FSIP1: variants seen among roughly 807,000 people sequenced by gnomAD.
FSIP1 encodes fibrous sheath interacting protein 1.
Under a neutral mutation model 60.9 loss-of-function variants are expected in FSIP1, and 65 were observed. The ratio of observed to expected loss-of-function variants is 1.07; its 90% confidence interval spans 0.87 to 1.31. The LOEUF is 1.31. Ranked by LOEUF, FSIP1 falls within the 40% of genes most tolerant of loss-of-function variation. The pLI, the probability that FSIP1 is intolerant of heterozygous loss-of-function variation, is 0.00. For missense variants in FSIP1, 675 were observed against 665.5 expected (o/e 1.01, Z -0.16); for synonymous variants, 209 against 221.2 (o/e 0.94, Z 0.49).
chr15:39,754,107 A>G (rs1897239328), intron 5 of FSIP1, among the ~76,000 whole-genome samples: 1 of 152,110 alleles, frequency 6.6e-6, no homozygotes, highest in Non-Finnish European at 1.5e-5. Context: ...TAAGTGCTCT[A>G]GAAGTCAGCT....
Position 39,745,320 on chromosome 15 carries a change from T to C in FSIP1, c.560-3420A>G, listed in dbSNP as rs773052082. On this transcript the variant is annotated intron_variant, in intron 5 of 11. Coordinates refer to ENST00000350221, the MANE Select transcript of FSIP1 (RefSeq NM_152597.5). Reference sequence around the variant, plus strand: ...AACTGCGACTTTAAGCAAAATGACATATAAGGAAACCAATTTTACCATAGT... The same window carrying C: ...AACTGCGACTTTAAGCAAAATGACACATAAGGAAACCAATTTTACCATAGT... 2.0e-4 allele frequency among the ~76,000 whole-genome samples: 30 copies of C among 152,136 alleles called. 1 individual carries two copies. Among genetic ancestry groups the C allele is most frequent in the Admixed American group, 5.9e-4 (9 of 15,270 alleles).
At position 39,617,796 on chromosome 15, in the gene FSIP1, A is replaced by T; in HGVS notation, c.1638T>A (p.Ser546Arg). 6.2e-7 allele frequency: 1 copy of T among 1,614,124 alleles called. No individual in the cohort carries two copies. Among genetic ancestry groups the T allele is most frequent in the Non-Finnish European group, 8.5e-7 (1 of 1,179,970 alleles). Residue 546 changes from serine (S) to arginine (R), a missense_variant, in exon 11 of 12, where the codon AGT becomes AGA. Physicochemically the swap from Ser to Arg is moderately radical, Grantham distance 110. Coordinates refer to ENST00000350221, the MANE Select transcript of FSIP1 (RefSeq NM_152597.5). ...GTTGGTCTTCTGATGAAAGGCTCAC[A>T]CTGATACCATACAGTGGATCATCTA... ...SFLDDPLYGI[S>R]VSLSSEDQHL...
At chr15:39,779,924 T>C (rs1412423052) in intron 1 of FSIP1, among the ~76,000 whole-genome samples, 2 of 152,236 alleles carry the variant, frequency 1.3e-5, no homozygotes, top group Non-Finnish European at 2.9e-5. Context: ...AAAGTGGGAC[T>C]GATTTAGTTT....
intron 10 of FSIP1, among the ~76,000 whole-genome samples, chr15:39,645,182 A>C (rs545144766): frequency 5.3e-5 from 8 of 152,364 alleles, no homozygotes; most frequent in African/African-American, 1.9e-4. Flanking sequence ...CTACATTCTT[A>C]GTGGAAATGT....
chr15:39,761,342 T>TATC (rs1384937710), intron 5 of FSIP1, among the ~76,000 whole-genome samples: 1 of 152,188 alleles, frequency 6.6e-6, no homozygotes, highest in African/African-American at 2.4e-5. Flanking sequence ...AACAGATGAA[T>TATC]GGATAAAGAA....
At chr15:39,765,237 C>A (rs1047482400) in intron 4 of FSIP1, among the ~76,000 whole-genome samples, 2 of 119,304 alleles carry the variant, frequency 1.7e-5, no homozygotes, top group South Asian at 2.6e-4. Flanking sequence ...AGAGGAAATT[C>A]TTTCTTTTTT....
intron 10 of FSIP1, among the ~76,000 whole-genome samples, chr15:39,637,617 C>T (rs367710010): frequency 6.6e-6 from 1 of 152,108 alleles, no homozygotes; most frequent in East Asian, 1.9e-4. Context: ...CCATTAGTAC[C>T]GAGTGGGTAT....
At chr15:39,609,215 C>T (rs927815923) in intron 11 of FSIP1, among the ~76,000 whole-genome samples, 1 of 152,200 alleles carries the variant, frequency 6.6e-6, no homozygotes, top group Non-Finnish European at 1.5e-5. Flanking sequence ...CCAATGGAGG[C>T]ACTCCACCAG....
At chr15:39,779,229 G>A (rs1272907514) in intron 1 of FSIP1, among the ~76,000 whole-genome samples, 1 of 151,404 alleles carries the variant, frequency 6.6e-6, no homozygotes, top group Non-Finnish European at 1.5e-5. Context: ...AAAAAATAGA[G>A]AAAGACATAC....
chr15:39,619,538 A>T (rs1354257033), intron 10 of FSIP1, among the ~76,000 whole-genome samples: 1 of 152,196 alleles, frequency 6.6e-6, no homozygotes, highest in Non-Finnish European at 1.5e-5. Flanking sequence ...TATATATGGC[A>T]AGAAATAGGA....
At chr15:39,683,814 C>T (rs1894258763) in intron 10 of FSIP1, among the ~76,000 whole-genome samples, 1 of 152,128 alleles carries the variant, frequency 6.6e-6, no homozygotes, top group Admixed American at 6.5e-5. Context: ...AAAAAACACA[C>T]ATATTAGAAA....
intron 5 of FSIP1, among the ~76,000 whole-genome samples, chr15:39,742,466 T>C (rs911231095): frequency 6.6e-6 from 1 of 152,248 alleles, no homozygotes; most frequent in African/African-American, 2.4e-5. Context: ...TCAGTGTAGT[T>C]TATTTTTATG....
In FSIP1 at chr15:39,764,027, G is replaced by A. The variant is rs1897594570; in HGVS notation, c.466-113C>T. ...ACATACGTACAAACGAGAAGTCTCA[G>A]GCTATTTTTTTTTTTGAGGAAATCT... On this transcript the variant is annotated intron_variant, in intron 4 of 11. Coordinates refer to ENST00000350221, the MANE Select transcript of FSIP1 (RefSeq NM_152597.5). 8.2e-6 allele frequency: 5 copies of A among 610,308 alleles called. No individual in the cohort carries two copies. The South Asian group carries it at 8.4e-5, about 10-fold the overall frequency. 37.8% of individuals were successfully genotyped at this position (610,308 alleles called of 1,614,324 possible). A position where few individuals can be genotyped will look rare whatever the true frequency, so the allele number is the denominator to read the frequency against.
intron 5 of FSIP1, among the ~76,000 whole-genome samples, chr15:39,762,796 G>A (rs1897547155): frequency 6.6e-6 from 1 of 152,122 alleles, no homozygotes; most frequent in Non-Finnish European, 1.5e-5. Flanking sequence ...GACTGAAATG[G>A]GAGGGAAACA....
At chr15:39,706,494 T>C (rs1895275629) in intron 10 of FSIP1, among the ~76,000 whole-genome samples, 1 of 152,224 alleles carries the variant, frequency 6.6e-6, no homozygotes, top group Non-Finnish European at 1.5e-5. Context: ...CACTCTATTT[T>C]TCTAAATATA....
intron 6 of FSIP1, among the ~76,000 whole-genome samples, chr15:39,740,352 G>A (rs1163830435): frequency 6.6e-6 from 1 of 152,178 alleles, no homozygotes; most frequent in African/African-American, 2.4e-5. Context: ...CCTTTTGGAA[G>A]AGGCTTGAGT....
chr15:39,654,545 A>T (rs1892998718), intron 10 of FSIP1, among the ~76,000 whole-genome samples: 1 of 152,242 alleles, frequency 6.6e-6, no homozygotes, highest in African/African-American at 2.4e-5. Context: ...TTATAGAAAA[A>T]CTGCTAGAGC....
At chr15:39,779,211 C>T (rs906362457) in intron 1 of FSIP1, among the ~76,000 whole-genome samples, 2 of 151,820 alleles carry the variant, frequency 1.3e-5, no homozygotes, top group African/African-American at 2.4e-5. Context: ...CAGAAATGCA[C>T]ATATCAAAAA....
At chr15:39,635,154 T>G (rs566307414) in intron 10 of FSIP1, among the ~76,000 whole-genome samples, 51 of 152,170 alleles carry the variant, frequency 3.4e-4, no homozygotes, top group African/African-American at 1.2e-3. Context: ...GCCAACATGG[T>G]GAAACCCCCT....
Sources: gnomAD v4.1 joint callset for allele counts (sites outside exome capture counted in the v4.1 genomes callset) on GRCh38, gnomAD v4.1.1 for gene constraint, MANE v1.5 for transcripts, NCBI Gene and HGNC (gene_info 2026-07-23, HGNC 2026-07-21) for gene names.